The following CRISPLD1 variants were observed in gnomAD, a reference collection of about 807,000 sequenced individuals.
CRISPLD1 encodes the protein cysteine rich secretory protein LCCL domain containing 1.
A neutral mutation model predicts 77.5 loss-of-function variants in CRISPLD1; 60 were observed. The observed-to-expected ratio is 0.77, with a 90% confidence interval of 0.63 to 0.96. The LOEUF is 0.96. Ranked by LOEUF, CRISPLD1 falls within the 40% of genes least tolerant of loss-of-function variation. CRISPLD1 has a pLI of 0.00. For synonymous variants in CRISPLD1, 195 were observed against 200.1 expected (o/e 0.97, Z 0.22); for missense variants, 623 against 615.8 (o/e 1.01, Z -0.12).
chr8:75,013,107 C>A, intron 4 of CRISPLD1, 85 bp downstream of exon 4: 1 of 1,182,834 alleles, frequency 8.5e-7, no homozygotes, highest in Non-Finnish European at 1.1e-6. Flanking sequence ...ACTTGTCTTT[C>A]TTATTTAATA....
Position 75,012,461 on chromosome 8 carries a change from C to T in CRISPLD1, c.287C>T (p.Ala96Val). Reference protein sequence around the residue: ...MTWDVELERSAESWAESCLWE... With the variant: ...MTWDVELERSVESWAESCLWE... ...TGGGATGTAGAGCTGGAAAGATCTG[C>T]AGAATCCTGGGCTGAAAGTTGCTTG... The change falls in exon 3 of 15, where the codon GCA becomes GTA. Residue 96 changes from alanine to valine, a missense_variant. Transcript: ENST00000262207. 1 of 1,612,780 alleles carries T rather than the reference C, an allele frequency of 6.2e-7. No homozygotes were observed. The highest frequency in any genetic ancestry group is 8.5e-7 in the Non-Finnish European group (1 of 1,178,988).
chr8:75,014,165 C>T (rs574015730), intron 5 of CRISPLD1, 63 bp downstream of exon 5: 52 of 1,032,436 alleles, frequency 5.0e-5, no homozygotes, highest in Middle Eastern at 4.1e-4. Context: ...AATACCTTTA[C>T]GTTCCTGATT....
rs769138270 is a variant in CRISPLD1 at position 75,016,635 on chromosome 8, C to A, written c.798C>A (p.Val266=). 2.5e-6 allele frequency: 4 copies of A among 1,613,346 alleles called. No homozygotes were observed. In the African/African-American group the frequency reaches 5.3e-5, roughly 22 times the overall value. The change falls in exon 7 of 15, where the codon GTC becomes GTA. Residue 266 remains valine (V), a synonymous_variant. Coordinates refer to ENST00000262207, the MANE Select transcript of CRISPLD1 (RefSeq NM_031461.6). ...AAATAGAACGACAGCAGTCACAAGT[C>A]CATGACACCCATGTCCGGACAAGAT... ...TNEIERQQSQ[V]HDTHVRTRSD... is the part of the protein sequence containing the mutation.
intron 2 of CRISPLD1, 95 bp downstream of exon 2, chr8:74,986,340 A>C (rs935342999): frequency 1.6e-6 from 2 of 1,275,574 alleles, no homozygotes; most frequent in African/African-American, 3.0e-5. Flanking sequence ...TTTATTTTAT[A>C]TGAAGTTGAA....
intron 14 of CRISPLD1, among the ~76,000 whole-genome samples, chr8:75,031,658 C>T (rs922697182): frequency 6.6e-5 from 10 of 151,682 alleles, no homozygotes; most frequent in African/African-American, 2.2e-4. Flanking sequence ...AATATCCTTA[C>T]TAACATTTTC....
chr8:75,012,977 T>C lies in CRISPLD1; in HGVS notation c.465T>C (p.Tyr155=). 3 of 1,612,798 alleles carry C rather than the reference T, an allele frequency of 1.9e-6. No individual in the cohort carries two copies. The highest frequency in any genetic ancestry group is 2.5e-6 in the Non-Finnish European group (3 of 1,179,170). Reference sequence around the variant, plus strand: ...CATATGAACATGAATGCAACCCATATTGTCCATTCAGGTGTTCTGGCCCTG... The same window carrying C: ...CATATGAACATGAATGCAACCCATACTGTCCATTCAGGTGTTCTGGCCCTG... ...SYPYEHECNP[Y]CPFRCSGPVC... is the part of the protein sequence containing the mutation. Residue 155 remains tyrosine, a synonymous_variant, in exon 4 of 15, where the codon TAT becomes TAC. Coordinates refer to ENST00000262207, the MANE Select transcript of CRISPLD1 (RefSeq NM_031461.6).
chr8:75,030,533 C>T (rs931785144), intron 14 of CRISPLD1, among the ~76,000 whole-genome samples: 5 of 151,958 alleles, frequency 3.3e-5, no homozygotes, highest in South Asian at 2.1e-4. Context: ...AACTATAAAA[C>T]GATAGGTGAT....
chr8:74,995,918 A>C (rs1264226598), intron 2 of CRISPLD1, among the ~76,000 whole-genome samples: 1 of 151,896 alleles, frequency 6.6e-6, no homozygotes, highest in East Asian at 1.9e-4. Context: ...CATATTCCTT[A>C]CGGGAATTTA....
intron 2 of CRISPLD1, among the ~76,000 whole-genome samples, chr8:74,995,276 T>G (rs1812629437): frequency 6.6e-6 from 1 of 152,224 alleles, no homozygotes; most frequent in Admixed American, 6.5e-5. Context: ...TGATCAGCTC[T>G]GTCAAAGGCT....
chr8:75,016,504 T>G (rs1416763303), intron 6 of CRISPLD1, 61 bp from the exon 7 acceptor site: 5 of 1,430,026 alleles, frequency 3.5e-6, no homozygotes, highest in Non-Finnish European at 4.8e-6. Context: ...ATATTATTAT[T>G]TGATAATTCA....
intron 3 of CRISPLD1, 86 bp from the exon 4 acceptor site, chr8:75,012,804 C>A: frequency 6.9e-7 from 1 of 1,441,846 alleles, no homozygotes; most frequent in Non-Finnish European, 9.4e-7. Context: ...GTCTTTCTAC[C>A]AAATTATACC....
intron 2 of CRISPLD1, among the ~76,000 whole-genome samples, chr8:74,993,180 T>G (rs1379062510): frequency 2.0e-5 from 3 of 152,170 alleles, no homozygotes; most frequent in Non-Finnish European, 4.4e-5. Context: ...TTGGTACAAG[T>G]GCCAGGAATT....
At chr8:75,030,201 C>T (rs142435261) in intron 14 of CRISPLD1, among the ~76,000 whole-genome samples, 1 of 151,872 alleles carries the variant, frequency 6.6e-6, no homozygotes, top group East Asian at 1.9e-4. Flanking sequence ...TAGATATTTC[C>T]TGGATTCTTC....
chr8:74,999,173 G>C (rs977730737), intron 2 of CRISPLD1, among the ~76,000 whole-genome samples: 3 of 151,834 alleles, frequency 2.0e-5, no homozygotes, highest in Non-Finnish European at 4.4e-5. Flanking sequence ...TTCTTCTTTT[G>C]ACTTGTTAAC....
chr8:75,023,791 CGT>C lies in CRISPLD1; in HGVS notation c.1245-1735_1245-1734del, dbSNP rs892160096. On this transcript the variant is annotated intron_variant, in intron 12 of 14. Coordinates refer to ENST00000262207, the MANE Select transcript of CRISPLD1 (RefSeq NM_031461.6). ...TTGTGTTTCCTTTTAGTGATGAGTG[CGT>C]GTGTGTGTGTGTGTGTGTGAATGCA... is the stretch of plus-strand genomic sequence containing the variant. Among the ~76,000 whole-genome samples, 251 of 67,262 alleles carry C rather than the reference CGT, an allele frequency of 3.7e-3. 1 individual carries two copies. The highest frequency in any genetic ancestry group is 8.1e-3 in the Middle Eastern group (1 of 124). The allele number at this position is 67,262 out of a possible 152,430, so 44.1% of individuals were successfully genotyped here. A position where few individuals can be genotyped will look rare whatever the true frequency, so the allele number is the denominator to read the frequency against.
chr8:75,007,079 A>G (rs1307297221), intron 2 of CRISPLD1, among the ~76,000 whole-genome samples: 2 of 152,118 alleles, frequency 1.3e-5, no homozygotes, highest in African/African-American at 4.8e-5. Flanking sequence ...TACTCTCTTC[A>G]GACAAATTCT....
rs370966266 is a variant in CRISPLD1 at position 75,025,573 on chromosome 8, A to G, written c.1272A>G (p.Gln424=). ...PRVYCPRNCM[Q]ANPHYARVIG... ...TATACTGTCCTCGTAACTGTATGCA[A>G]GCAAATCCACATTATGCTCGTGTAA... is the stretch of plus-strand genomic sequence containing the variant. The change falls in exon 13 of 15, where the codon CAA becomes CAG. Residue 424 remains glutamine, a synonymous_variant. Transcript: ENST00000262207. 3.1e-6 allele frequency: 5 copies of G among 1,587,374 alleles called. No individual in the cohort carries two copies. The highest frequency in any genetic ancestry group is 2.7e-5 in the African/African-American group (2 of 74,372).
chr8:75,011,991 G>A (rs17368778), intron 2 of CRISPLD1, among the ~76,000 whole-genome samples: 137 of 152,180 alleles, frequency 9.0e-4, no homozygotes, highest in Non-Finnish European at 1.7e-3. Context: ...TTATAAAGCT[G>A]GATTGTGAAG....
chr8:75,010,523 T>A (rs1812910736), intron 2 of CRISPLD1, among the ~76,000 whole-genome samples: 1 of 152,150 alleles, frequency 6.6e-6, no homozygotes, highest in Admixed American at 6.6e-5. Flanking sequence ...TCTCTTCACT[T>A]ATTAATGCTC....
Sources: allele counts gnomAD v4.1 joint callset (sites outside exome capture counted in the v4.1 genomes callset), GRCh38; gene constraint gnomAD v4.1.1; transcripts MANE v1.5; gene names NCBI Gene and HGNC (gene_info 2026-07-23, HGNC 2026-07-21).